Variants in CHCHD3 observed in about 807,000 individuals in gnomAD.
CHCHD3 encodes the protein coiled-coil-helix-coiled-coil-helix domain containing 3, also known as MICOS complex subunit MIC19.
In CHCHD3, 20 loss-of-function variants were observed where a neutral mutation model predicts 38.2. The observed-to-expected ratio is 0.52, with a 90% CI of 0.37 to 0.76. The LOEUF (loss-of-function observed/expected upper bound fraction) is 0.76, where lower values mean the gene tolerates loss of function less well. CHCHD3 is among the 30% of genes least tolerant of loss of function. The probability of loss-of-function intolerance (pLI) is 0.00; values close to 1 mark genes in which losing one functional copy is unlikely to be tolerated. For synonymous variants in CHCHD3, 82 were observed against 100.0 expected (o/e 0.82, Z 1.07); for missense variants, 245 against 279.2 (o/e 0.88, Z 0.87).
intron 3 of CHCHD3, among the ~76,000 whole-genome samples, chr7:133,016,475 A>G (rs1288511835): frequency 6.6e-6 from 1 of 152,210 alleles, no homozygotes; most frequent in African/African-American, 2.4e-5. Flanking sequence ...ATGGGATACA[A>G]AAGAATGTGG....
At chr7:132,805,504 G>T (rs1246682668) in intron 6 of CHCHD3, among the ~76,000 whole-genome samples, 6 of 152,102 alleles carry the variant, frequency 3.9e-5, no homozygotes, top group African/African-American at 1.2e-4. Flanking sequence ...AGGGTTGGAA[G>T]GGTTGGGTAG....
At chr7:132,880,486 G>A (rs146767618) in intron 5 of CHCHD3, among the ~76,000 whole-genome samples, 45 of 152,272 alleles carry the variant, frequency 3.0e-4, no homozygotes, top group African/African-American at 9.9e-4. Context: ...TAAATGGCTA[G>A]TGAAGAAGAT....
rs183118694 is a variant in CHCHD3, at chr7:132,898,591, C to T, written c.370-12846G>A. Among the ~76,000 whole-genome samples, 33 of 152,362 alleles carry T rather than the reference C, an allele frequency of 2.2e-4. 2 individuals are homozygous for T. Among genetic ancestry groups the T allele is most frequent in the African/African-American group, 7.2e-4 (30 of 41,582 alleles). ...TGCAGGTGGAGTTGCCTGCCAGTCC[C>T]GCGCCGTGCGCCCGCACTCCTCAGC... On this transcript the variant is annotated intron_variant, in intron 4 of 7. Coordinates refer to ENST00000262570, the MANE Select transcript of CHCHD3 (RefSeq NM_017812.4).
At chr7:132,836,423 T>A (rs4989636) in intron 6 of CHCHD3, among the ~76,000 whole-genome samples, 1 of 151,966 alleles carries the variant, frequency 6.6e-6, no homozygotes, top group East Asian at 1.9e-4. Flanking sequence ...CCTGGCGCCA[T>A]GTCTAAACTT....
intron 5 of CHCHD3, among the ~76,000 whole-genome samples, chr7:132,877,212 A>C (rs1808935123): frequency 6.6e-6 from 1 of 152,192 alleles, no homozygotes; most frequent in Non-Finnish European, 1.5e-5. Flanking sequence ...AGATTTGAAA[A>C]GCAGCTCAAG....
At chr7:133,060,950 C>T (rs1032408823) in intron 2 of CHCHD3, among the ~76,000 whole-genome samples, 12 of 152,132 alleles carry the variant, frequency 7.9e-5, no homozygotes, top group African/African-American at 2.9e-4. Context: ...TGAGGATATA[C>T]AAGAACTACA....
chr7:133,033,468 G>C (rs1279019983), intron 2 of CHCHD3, among the ~76,000 whole-genome samples: 1 of 151,890 alleles, frequency 6.6e-6, no homozygotes, highest in African/African-American at 2.4e-5. Context: ...CCTCAAGTGG[G>C]GTACTACTCA....
At chr7:132,880,893 G>A (rs1011473214) in intron 5 of CHCHD3, among the ~76,000 whole-genome samples, 1 of 152,146 alleles carries the variant, frequency 6.6e-6, no homozygotes, top group African/African-American at 2.4e-5. Context: ...CTCTTTGAAA[G>A]CTGTTCTCAA....
At chr7:132,956,556 A>G (rs912543685) in intron 4 of CHCHD3, among the ~76,000 whole-genome samples, 2 of 152,242 alleles carry the variant, frequency 1.3e-5, no homozygotes, top group Non-Finnish European at 2.9e-5. Flanking sequence ...ATAATTCCAC[A>G]TAAGTACAAT....
chr7:132,984,307 C>A (rs1417576406), intron 3 of CHCHD3, among the ~76,000 whole-genome samples: 1 of 151,818 alleles, frequency 6.6e-6, no homozygotes, highest in East Asian at 1.9e-4. Flanking sequence ...GCGAGTGATC[C>A]GCCAGCCTCG....
chr7:132,873,616 T>C (rs574651951), intron 5 of CHCHD3, among the ~76,000 whole-genome samples: 1 of 152,086 alleles, frequency 6.6e-6, no homozygotes, highest in South Asian at 2.1e-4. Flanking sequence ...CTGATATTAC[T>C]ATTTCTTTCC....
chr7:132,808,056 A>G lies in CHCHD3; in HGVS notation c.525-11479T>C, dbSNP rs182975370. 1.2e-3 allele frequency among the ~76,000 whole-genome samples: 182 copies of G among 152,338 alleles called. 1 individual carries two copies. The highest frequency in any genetic ancestry group is 4.3e-3 in the African/African-American group (180 of 41,580). ...AATCCCACATGCAAACTCTACACAA[A>G]GACCAAAATGTAAGCTGGGAAACAA... On this transcript the variant is annotated intron_variant, in intron 6 of 7. Transcript: ENST00000262570.
chr7:132,825,483 C>T (rs1035407003), intron 6 of CHCHD3, among the ~76,000 whole-genome samples: 4 of 152,360 alleles, frequency 2.6e-5, no homozygotes, highest in Admixed American at 6.5e-5. Flanking sequence ...GTTCCCACTT[C>T]TTGTCAATTA....
intron 7 of CHCHD3, among the ~76,000 whole-genome samples, 163 bp downstream of exon 7, chr7:132,796,279 C>T (rs753788905): frequency 1.2e-4 from 18 of 152,160 alleles, no homozygotes; most frequent in Non-Finnish European, 2.5e-4. Flanking sequence ...TGATCGGACA[C>T]AAGTTATGCC....
At chr7:133,068,029 T>C (rs1002153253) in intron 2 of CHCHD3, among the ~76,000 whole-genome samples, 1 of 151,636 alleles carries the variant, frequency 6.6e-6, no homozygotes, top group Non-Finnish European at 1.5e-5. Context: ...GGCAGGAGAA[T>C]GGCATGAACC....
At chr7:132,953,235 G>C (rs1811074254) in intron 4 of CHCHD3, among the ~76,000 whole-genome samples, 1 of 152,164 alleles carries the variant, frequency 6.6e-6, no homozygotes, top group Non-Finnish European at 1.5e-5. Flanking sequence ...ATATTGGCAG[G>C]AGGTATTGAG....
At chr7:133,002,696 G>C (rs1438004231) in intron 3 of CHCHD3, among the ~76,000 whole-genome samples, 1 of 152,012 alleles carries the variant, frequency 6.6e-6, no homozygotes, top group East Asian at 1.9e-4. Flanking sequence ...CTCAGAGTGG[G>C]AGTATATTTA....
chr7:133,010,608 C>A (rs991626621), intron 3 of CHCHD3, among the ~76,000 whole-genome samples: 48 of 152,090 alleles, frequency 3.2e-4, no homozygotes, highest in African/African-American at 9.9e-4. Flanking sequence ...GACAGGGTCT[C>A]ACTCTTGTCA....
intron 4 of CHCHD3, chr7:132,973,708 TTC>T (rs1811670356): frequency 9.9e-7 from 1 of 1,014,422 alleles, no homozygotes; most frequent in Non-Finnish European, 1.2e-6. Context: ...TCCTTTCATG[TTC>T]TCTGTTTGCA....
Sources: gnomAD v4.1 joint callset for allele counts (sites outside exome capture counted in the v4.1 genomes callset) on GRCh38, gnomAD v4.1.1 for gene constraint, MANE v1.5 for transcripts, NCBI Gene and HGNC (gene_info 2026-07-23, HGNC 2026-07-21) for gene names.